MICAL2: variants seen among roughly 807,000 people sequenced by gnomAD.
The protein encoded by MICAL2 is [F-actin]-monooxygenase MICAL2.
In MICAL2, 77 loss-of-function variants were observed where a neutral mutation model predicts 127.3. The ratio of observed to expected loss-of-function variants is 0.60; its 90% CI spans 0.50 to 0.73. The LOEUF (loss-of-function observed/expected upper bound fraction) is 0.73. MICAL2 is among the 30% of genes least tolerant of loss of function. MICAL2 has a pLI of 0.00. For synonymous variants in MICAL2, 570 were observed against 551.1 expected, an observed-to-expected ratio of 1.03 and a Z score of -0.48; for missense variants, 1,351 against 1,434.4, an observed-to-expected ratio of 0.94 and a Z score of 0.94.
intron 32 of MICAL2, among the ~76,000 whole-genome samples, chr11:12,348,825 GT>G (rs1938998592): frequency 6.6e-6 from 1 of 152,142 alleles, no homozygotes; most frequent in African/African-American, 2.4e-5. Flanking sequence ...CTACAGAAAA[GT>G]TTGTTATGAG....
chr11:12,279,589 G>A (rs931836207), intron 1 of MICAL2, among the ~76,000 whole-genome samples: 3 of 152,202 alleles, frequency 2.0e-5, no homozygotes, highest in African/African-American at 7.2e-5. Flanking sequence ...AAAGGCAAAT[G>A]CATCGGCTCG....
chr11:12,208,760 T>G (rs1385706720), intron 5 of MICAL2, among the ~76,000 whole-genome samples: 1 of 152,236 alleles, frequency 6.6e-6, no homozygotes, highest in East Asian at 1.9e-4. Context: ...TGCATCTTAC[T>G]TATTATTAAA....
intron 3 of MICAL2, among the ~76,000 whole-genome samples, chr11:12,183,439 A>G (rs1049766243): frequency 2.6e-5 from 4 of 152,174 alleles, no homozygotes; most frequent in Non-Finnish European, 4.4e-5. Flanking sequence ...TGGCCCAGAC[A>G]CAGAGCCTCT....
rs1167278667 is a variant in MICAL2, at chr11:12,224,809, G to A, written c.1677G>A (p.Arg559=). Residue 559 remains arginine, a synonymous_variant, in exon 13 of 28, where the codon CGG becomes CGA. Transcript: ENST00000683283. Reference sequence around the variant, plus strand: ...TGTGTGCCATCATCCACCGCTTCCGGCCTGAGCTCATGTGAGTCTGGGGCC... The same window carrying A: ...TGTGTGCCATCATCCACCGCTTCCGACCTGAGCTCATGTGAGTCTGGGGCC... ...LALCAIIHRF[R]PELINFDSLN... 6.2e-7 allele frequency: 1 copy of A among 1,612,686 alleles called. No homozygotes were observed. The highest frequency in any genetic ancestry group is 1.7e-5 in the Admixed American group (1 of 60,004).
chr11:12,243,915 A>G, intron 20 of MICAL2, 72 bp from the exon 21 acceptor site: 1 of 1,567,018 alleles, frequency 6.4e-7, no homozygotes, highest in Non-Finnish European at 8.8e-7. Context: ...ATGGGACTGC[A>G]TGATTGAGGC....
chr11:12,327,131 A>G (rs1262147584), intron 31 of MICAL2: 10 of 1,516,286 alleles, frequency 6.6e-6, no homozygotes, highest in Non-Finnish European at 9.0e-6. Context: ...TTGGGACTCT[A>G]TGTGGAAAGT....
intron 26 of MICAL2, chr11:12,260,586 C>A (rs1862976186): frequency 2.0e-6 from 2 of 992,052 alleles, no homozygotes; most frequent in South Asian, 9.4e-5. Context: ...TAAGATTTTA[C>A]ACGCATGAAA....
At chr11:12,260,538 G>A (rs1238150143) in intron 26 of MICAL2, 1 of 1,011,966 alleles carries the variant, frequency 9.9e-7, no homozygotes, top group African/African-American at 1.7e-5. Flanking sequence ...GAACACTGCA[G>A]TGAGTTATCA....
upstream of MICAL2, among the ~76,000 whole-genome samples, chr11:12,275,021 G>A (rs1475309350): frequency 6.6e-6 from 1 of 152,108 alleles, no homozygotes; most frequent in African/African-American, 2.4e-5. Context: ...GAGAGGCGGT[G>A]AGAGGGGTCT....
chr11:12,148,186 C>T (rs767021917), intron 2 of MICAL2, among the ~76,000 whole-genome samples: 3 of 152,150 alleles, frequency 2.0e-5, no homozygotes, highest in African/African-American at 2.4e-5. Flanking sequence ...GTTTGGATTC[C>T]CTGAATAGAC....
At chr11:12,141,996 A>G (rs768103531) in intron 2 of MICAL2, among the ~76,000 whole-genome samples, 11 of 152,242 alleles carry the variant, frequency 7.2e-5, no homozygotes, top group Non-Finnish European at 1.6e-4. Flanking sequence ...TTAGTAAAGA[A>G]ACTGAGGCCC....
At chr11:12,180,196 G>C (rs1343179494) in intron 3 of MICAL2, among the ~76,000 whole-genome samples, 1 of 152,014 alleles carries the variant, frequency 6.6e-6, no homozygotes, top group African/African-American at 2.4e-5. Flanking sequence ...CATCAGATGT[G>C]GTGGGTTGCC....
At chr11:12,348,392 C>CCACAGTGGGTTCAAAT (rs1444337541) in intron 32 of MICAL2, among the ~76,000 whole-genome samples, 2 of 151,992 alleles carry the variant, frequency 1.3e-5, no homozygotes, top group Non-Finnish European at 2.9e-5. Flanking sequence ...AGTTGAGGAA[C>CCACAGTGGGTTCAAAT]CCACAGATTT....
At chr11:12,303,849 C>A (rs1343424918) in intron 29 of MICAL2, 1 of 152,126 alleles carries the variant, frequency 6.6e-6, no homozygotes, top group East Asian at 1.9e-4. Flanking sequence ...CCAGCCTGGG[C>A]AACATAAGGA....
At chr11:12,291,965 C>A (rs1230484510), downstream of MICAL2, among the ~76,000 whole-genome samples, 1 of 152,226 alleles carries the variant, frequency 6.6e-6, no homozygotes, top group African/African-American at 2.4e-5. Flanking sequence ...CGGGACCCTG[C>A]CACTGCTCTA....
Position 12,259,597 on chromosome 11 carries a change from C to T in MICAL2, c.3232-198C>T, listed in dbSNP as rs577320087. On this transcript the variant is annotated intron_variant, in intron 25 of 27. Coordinates refer to ENST00000683283, the MANE Select transcript of MICAL2 (RefSeq NM_001282663.2). ...AAAGGCATGCATATTTTTGAAGGCT[C>T]GTGACTCCTATGGTCAGTTGGCCCC... 39 of 453,446 alleles carry T rather than the reference C, an allele frequency of 8.6e-5. No individual in the cohort carries two copies. In the Middle Eastern group the frequency reaches 1.7e-3, roughly 19 times the overall value. 28.1% of individuals were successfully genotyped at this position (453,446 alleles called of 1,614,324 possible). A position where few individuals can be genotyped will look rare whatever the true frequency, so the allele number is the denominator to read the frequency against.
intron 2 of MICAL2, among the ~76,000 whole-genome samples, chr11:12,142,249 G>A (rs994331752): frequency 6.6e-6 from 1 of 152,220 alleles, no homozygotes; most frequent in Admixed American, 6.5e-5. Context: ...GGGTGCAACA[G>A]CATGGAGAGG....
intron 2 of MICAL2, among the ~76,000 whole-genome samples, chr11:12,150,480 G>C (rs1187318814): frequency 6.6e-6 from 1 of 152,122 alleles, no homozygotes; most frequent in African/African-American, 2.4e-5. Flanking sequence ...GGGATCTTTG[G>C]GGGACAGACT....
rs1196328768 is a variant in MICAL2 at position 12,259,362 on chromosome 11, A to AATCC, written c.3232-433_3232-432insATCC. On this transcript the variant is annotated intron_variant, in intron 25 of 27. Coordinates refer to ENST00000683283, the MANE Select transcript of MICAL2 (RefSeq NM_001282663.2). ...GTTTCCCATGACATTAAATTTTTTT[A>AATCC]TGTTGGAGCATAATTTTTAATGCCT... is the stretch of plus-strand genomic sequence containing the variant. 5.9e-3 allele frequency among the ~76,000 whole-genome samples: 894 copies of AATCC among 152,236 alleles called. 7 individuals carry two copies. Among genetic ancestry groups the AATCC allele is most frequent in the African/African-American group, 0.015 (643 of 41,550 alleles).
Sources: gnomAD v4.1 joint callset for allele counts (sites outside exome capture counted in the v4.1 genomes callset) on GRCh38, gnomAD v4.1.1 for gene constraint, MANE v1.5 for transcripts, NCBI Gene and HGNC (gene_info 2026-07-23, HGNC 2026-07-21) for gene names.